Variants in GRM7 observed in about 807,000 individuals in gnomAD.
GRM7 encodes the protein metabotropic glutamate receptor 7.
A neutral mutation model predicts 84.5 loss-of-function variants in GRM7; 35 were observed. The observed-to-expected ratio is 0.41, with a 90% CI of 0.32 to 0.55. GRM7 has a LOEUF of 0.55. GRM7 is among the 20% of genes least tolerant of loss of function. GRM7 has a pLI of 0.19. For missense variants in GRM7, 1,003 were observed against 1,194.6 expected, an observed-to-expected ratio of 0.84 and a Z score of 2.36; for synonymous variants, 487 against 455.1, an observed-to-expected ratio of 1.07 and a Z score of -0.89.
chr3:6,961,472 G>GAA (rs1261781843), intron 1 of GRM7, among the ~76,000 whole-genome samples: 1 of 152,080 alleles, frequency 6.6e-6, no homozygotes, highest in Admixed American at 6.6e-5. Flanking sequence ...TATGGCTTGA[G>GAA]AAAAATGCAC....
intron 7 of GRM7, among the ~76,000 whole-genome samples, chr3:7,541,091 G>A (rs1692859861): frequency 6.6e-6 from 1 of 152,094 alleles, no homozygotes; most frequent in African/African-American, 2.4e-5. Flanking sequence ...GCCAGGAAAA[G>A]TCAGGAGTTT....
At chr3:7,344,526 A>C (rs559666493) in intron 4 of GRM7, among the ~76,000 whole-genome samples, 1 of 152,196 alleles carries the variant, frequency 6.6e-6, no homozygotes, top group African/African-American at 2.4e-5. Flanking sequence ...TAAATAATAA[A>C]AATTCATAAA....
chr3:7,459,227 A>G (rs1458975805), intron 6 of GRM7, among the ~76,000 whole-genome samples: 1 of 152,198 alleles, frequency 6.6e-6, no homozygotes, highest in Non-Finnish European at 1.5e-5. Context: ...TGTTGCTCAC[A>G]GGAGATCGGT....
rs1699031027 is a variant in GRM7, at chr3:7,099,716, G to GTATATGTACACGCATTATACATGTA, written c.520-46736_520-46735insTATATGTACACGCATTATACATGTA. 2.3e-3 allele frequency among the ~76,000 whole-genome samples: 149 copies of GTATATGTACACGCATTATACATGTA among 66,190 alleles called. 64 individuals carry two copies. In the African/African-American group the frequency reaches 0.03, roughly 13 times the overall value. The allele number at this position is 66,190 out of a possible 152,430, so 43.4% of individuals were successfully genotyped here. A position where few individuals can be genotyped will look rare whatever the true frequency, so the allele number is the denominator to read the frequency against. On this transcript the variant is annotated intron_variant, in intron 1 of 9. Transcript: ENST00000357716. ...GTATATGTACACGCATTATACATGT[G>GTATATGTACACGCATTATACATGTA]CACATACATGTATATGTACACGCAT...
chr3:6,864,991 C>G (rs1020010132), intron 1 of GRM7, among the ~76,000 whole-genome samples: 1 of 152,176 alleles, frequency 6.6e-6, no homozygotes, highest in African/African-American at 2.4e-5. Flanking sequence ...TGGGTTAGTA[C>G]GATGACATGT....
At chr3:7,156,677 C>T (rs1424129976) in intron 2 of GRM7, among the ~76,000 whole-genome samples, 20 of 152,138 alleles carry the variant, frequency 1.3e-4, no homozygotes, top group Admixed American at 1.3e-3. Flanking sequence ...GTGTAAACTG[C>T]ATGGATTAGT....
At chr3:7,224,701 C>T (rs1468071322) in intron 2 of GRM7, among the ~76,000 whole-genome samples, 2 of 152,178 alleles carry the variant, frequency 1.3e-5, no homozygotes, top group Non-Finnish European at 2.9e-5. Context: ...ATAATCATGG[C>T]ATGTGCTTTC....
At chr3:7,618,473 C>A (rs1399740323) in intron 8 of GRM7, among the ~76,000 whole-genome samples, 4 of 152,034 alleles carry the variant, frequency 2.6e-5, no homozygotes, top group African/African-American at 9.7e-5. Context: ...TGACCACTCT[C>A]AAAGTGCTTA....
At chr3:7,415,233 C>G in intron 5 of GRM7, 70 bp downstream of exon 5, 4 of 1,287,412 alleles carry the variant, frequency 3.1e-6, no homozygotes, top group Non-Finnish European at 4.4e-6. Flanking sequence ...GCATAGCTGA[C>G]AGAAGGAAGC....
At chr3:6,961,974 C>T (rs1279389495) in intron 1 of GRM7, among the ~76,000 whole-genome samples, 1 of 152,100 alleles carries the variant, frequency 6.6e-6, no homozygotes, top group East Asian at 1.9e-4. Context: ...TCTTTTCTTC[C>T]TTTTTAGAAA....
At chr3:7,181,250 A>G (rs1453401343) in intron 2 of GRM7, among the ~76,000 whole-genome samples, 1 of 152,144 alleles carries the variant, frequency 6.6e-6, no homozygotes, top group African/African-American at 2.4e-5. Context: ...ATCACTTATA[A>G]TGCCATATCT....
intron 1 of GRM7, among the ~76,000 whole-genome samples, chr3:7,041,253 T>A (rs373821245): frequency 1.4e-4 from 21 of 152,150 alleles, no homozygotes; most frequent in African/African-American, 4.8e-4. Context: ...ATATCATCAC[T>A]GCCAAGTGTT....
At chr3:7,567,935 C>T (rs895169558) in intron 7 of GRM7, among the ~76,000 whole-genome samples, 2 of 152,056 alleles carry the variant, frequency 1.3e-5, no homozygotes, top group Admixed American at 1.3e-4. Context: ...CAGCAGTCAG[C>T]ATTTTTCATC....
rs369433440 is a variant in GRM7, at chr3:7,686,353, G to A, written c.2698+6058G>A. 1.6e-4 allele frequency: 195 copies of A among 1,216,406 alleles called. No homozygotes were observed. In the African/African-American group the frequency reaches 2.6e-3, roughly 16 times the overall value. 75.4% of individuals were successfully genotyped at this position (1,216,406 alleles called of 1,614,324 possible). On this transcript the variant is annotated intron_variant, in intron 9 of 9. Coordinates refer to ENST00000357716, the MANE Select transcript of GRM7 (RefSeq NM_000844.4). ...ACATACCTATATATTTACTTTTCCT[G>A]TAGACTGTATACCACCAGTAAGAAA...
chr3:7,103,312 T>G (rs1699174644), intron 1 of GRM7, among the ~76,000 whole-genome samples: 1 of 151,752 alleles, frequency 6.6e-6, no homozygotes. Context: ...TGAAGTCTGG[T>G]CCAAAAGTGG....
intron 6 of GRM7, among the ~76,000 whole-genome samples, chr3:7,454,962 C>T (rs1306306632): frequency 6.6e-6 from 1 of 152,024 alleles, no homozygotes; most frequent in Non-Finnish European, 1.5e-5. Context: ...TAAAAGAACC[C>T]TTAGAAAATG....
intron 4 of GRM7, among the ~76,000 whole-genome samples, chr3:7,369,752 A>G (rs1013567168): frequency 1.3e-5 from 2 of 152,158 alleles, no homozygotes; most frequent in African/African-American, 4.8e-5. Context: ...TCTATTACTA[A>G]TACTGATCAT....
At chr3:7,691,213 C>T (rs1270869682) in intron 9 of GRM7, 6 of 1,223,466 alleles carry the variant, frequency 4.9e-6, no homozygotes, top group Non-Finnish European at 6.5e-6. Context: ...TTCATAGTAA[C>T]CTCTGAGGAC....
chr3:7,316,786 C>T (rs1700598179), intron 4 of GRM7, among the ~76,000 whole-genome samples: 1 of 151,998 alleles, frequency 6.6e-6, no homozygotes, highest in African/African-American at 2.4e-5. Context: ...AAGTAAGCAA[C>T]CGGATACATA....
Sources: allele counts gnomAD v4.1 joint callset (sites outside exome capture counted in the v4.1 genomes callset), GRCh38; gene constraint gnomAD v4.1.1; transcripts MANE v1.5; gene names NCBI Gene and HGNC (gene_info 2026-07-23, HGNC 2026-07-21).